The following WWOX variants were observed in gnomAD, a reference collection of about 807,000 sequenced individuals.
WWOX encodes the protein WW domain containing oxidoreductase.
WWOX carries 69 observed loss-of-function variants against 46.2 expected under a neutral mutation model. That is an observed-to-expected ratio of 1.49 (90% CI 1.23 to 1.82). The LOEUF (loss-of-function observed/expected upper bound fraction) is 1.82. Among genes scored for constraint, WWOX ranks in the 40% most tolerant of loss-of-function variants. WWOX has a pLI of 0.00. For missense variants in WWOX, 919 were observed against 542.6 expected, an observed-to-expected ratio of 1.69 and a Z score of -6.89; for synonymous variants, 359 against 202.6, an observed-to-expected ratio of 1.77 and a Z score of -6.56.
At chr16:78,725,817 G>A (rs1030674420) in intron 8 of WWOX, among the ~76,000 whole-genome samples, 21 of 152,058 alleles carry the variant, frequency 1.4e-4, no homozygotes, top group Admixed American at 1.3e-4. Flanking sequence ...CATTGCGGGC[G>A]GTGCTTGGTG....
chr16:78,934,337 C>CAAAATAAAAAAAAAAAA (rs2045689393), intron 8 of WWOX, among the ~76,000 whole-genome samples: 1 of 78,316 alleles, frequency 1.3e-5, no homozygotes, highest in African/African-American at 5.7e-5. Flanking sequence ...GTCTCCGTCT[C>CAAAATAAAAAAAAAAAA]AAAAAAAAAA....
Position 79,187,923 on chromosome 16 carries a change from A to G in WWOX, c.1057-23685A>G, listed in dbSNP as rs561501489. Among the ~76,000 whole-genome samples the G allele has an allele frequency of 4.6e-5, 7 of 152,340 alleles. 1 individual carries two copies. The highest frequency in any genetic ancestry group is 1.4e-4 in the African/African-American group (6 of 41,580). On this transcript the variant is annotated intron_variant, in intron 8 of 8. Transcript: ENST00000566780. ...GAGCTGTGAGTCCTTCCTGTGCACC[A>G]GGCATGGATGGCAAGGCACGATTGA...
intron 5 of WWOX, among the ~76,000 whole-genome samples, chr16:78,385,242 A>AG (rs2082038663): frequency 6.6e-6 from 1 of 151,986 alleles, no homozygotes; most frequent in South Asian, 2.1e-4. Flanking sequence ...TGTGGCCTTC[A>AG]GGGAGGATCT....
intron 5 of WWOX, among the ~76,000 whole-genome samples, chr16:78,310,655 A>G (rs993116383): frequency 6.6e-6 from 1 of 152,232 alleles, no homozygotes; most frequent in Non-Finnish European, 1.5e-5. Context: ...CACATTTGGC[A>G]TCTCTCTGGG....
chr16:78,481,653 T>G (rs2084489675), intron 8 of WWOX, among the ~76,000 whole-genome samples: 1 of 137,706 alleles, frequency 7.3e-6, no homozygotes, highest in Non-Finnish European at 1.6e-5. Context: ...AAAAGAATGT[T>G]TTCCCAACAA....
rs559941950 is a variant in WWOX at position 78,810,836 on chromosome 16, C to T, written c.1056+378084C>T. Among the ~76,000 whole-genome samples the T allele has an allele frequency of 9.2e-5, 14 of 152,230 alleles. No individual in the cohort carries two copies. The South Asian group carries it at 1.7e-3, about 18-fold the overall frequency. On this transcript the variant is annotated intron_variant, in intron 8 of 8. Transcript: ENST00000566780. Reference sequence around the variant, plus strand: ...ACTCCCTAAAAAAGACAAATGACAGCGCAAGATCCAAAAAGACAAGTGCTC... The same window carrying T: ...ACTCCCTAAAAAAGACAAATGACAGTGCAAGATCCAAAAAGACAAGTGCTC...
intron 8 of WWOX, among the ~76,000 whole-genome samples, chr16:79,159,282 C>T (rs1354175612): frequency 3.9e-5 from 6 of 152,280 alleles, no homozygotes; most frequent in South Asian, 4.1e-4. Context: ...CGCAGCTCAC[C>T]GTGTGATTTC....
intron 8 of WWOX, among the ~76,000 whole-genome samples, chr16:78,583,885 C>G (rs906001483): frequency 4.6e-5 from 7 of 152,188 alleles, no homozygotes; most frequent in African/African-American, 1.4e-4. Context: ...GTGTTGCATA[C>G]CTGTTTGGGG....
intron 8 of WWOX, among the ~76,000 whole-genome samples, chr16:78,816,732 G>T (rs1305062483): frequency 6.6e-6 from 1 of 151,946 alleles, no homozygotes; most frequent in Admixed American, 6.6e-5. Context: ...ATGAGCAATT[G>T]CTGTGAAGAA....
intron 5 of WWOX, among the ~76,000 whole-genome samples, chr16:78,232,724 G>A (rs1017793328): frequency 1.3e-5 from 2 of 152,120 alleles, no homozygotes; most frequent in African/African-American, 2.4e-5. Context: ...AGATCAAATG[G>A]GATCTGTAAA....
At chr16:78,646,189 T>A (rs932007103) in intron 8 of WWOX, among the ~76,000 whole-genome samples, 3 of 152,084 alleles carry the variant, frequency 2.0e-5, no homozygotes, top group African/African-American at 7.2e-5. Context: ...TGATTTTGAT[T>A]TGGTTGTTTT....
At chr16:78,639,323 C>G (rs903387079) in intron 8 of WWOX, among the ~76,000 whole-genome samples, 2 of 152,274 alleles carry the variant, frequency 1.3e-5, no homozygotes, top group Admixed American at 1.3e-4. Context: ...ACAAGGAGAC[C>G]GGCACCTGGG....
At chr16:78,667,018 C>A (rs1226312169) in intron 8 of WWOX, among the ~76,000 whole-genome samples, 6 of 152,092 alleles carry the variant, frequency 3.9e-5, no homozygotes, top group Non-Finnish European at 4.4e-5. Flanking sequence ...CTCTAAAACC[C>A]AACTGCTGGC....
chr16:79,158,806 A>G (rs2050431065), intron 8 of WWOX, among the ~76,000 whole-genome samples: 1 of 152,100 alleles, frequency 6.6e-6, no homozygotes, highest in African/African-American at 2.4e-5. Context: ...ACTCTCGTTT[A>G]TTTTGTTGTT....
chr16:78,591,230 C>T (rs775356245), intron 8 of WWOX, among the ~76,000 whole-genome samples: 3 of 152,178 alleles, frequency 2.0e-5, no homozygotes, highest in Admixed American at 6.5e-5. Flanking sequence ...AGCACCTTCT[C>T]TTCCTATATG....
chr16:78,586,202 G>A (rs2045203254), intron 8 of WWOX, among the ~76,000 whole-genome samples: 1 of 152,062 alleles, frequency 6.6e-6, no homozygotes, highest in Non-Finnish European at 1.5e-5. Flanking sequence ...TAAGAAAAAA[G>A]AAACATTTAA....
rs543924049 is a variant in WWOX, at chr16:78,329,915, C to T, written c.517-56945C>T. ...GCGTGTACCACCATGACCAGCTAAT[C>T]TTTTAGTTTTTGTAGAGACAAGTTC... On this transcript the variant is annotated intron_variant, in intron 5 of 8. Transcript: ENST00000566780. Among the ~76,000 whole-genome samples, 295 of 151,894 alleles carry T rather than the reference C, an allele frequency of 1.9e-3. 1 individual carries two copies. Among genetic ancestry groups the T allele is most frequent in the Middle Eastern group, 0.01 (3 of 294 alleles).
chr16:78,602,549 A>G (rs1450614204), intron 8 of WWOX, among the ~76,000 whole-genome samples: 3 of 152,100 alleles, frequency 2.0e-5, no homozygotes, highest in Non-Finnish European at 2.9e-5. Context: ...GATAGATCTT[A>G]TTTGGCTGAC....
intron 8 of WWOX, among the ~76,000 whole-genome samples, chr16:78,956,079 T>C (rs2046160815): frequency 1.3e-5 from 2 of 152,174 alleles, no homozygotes; most frequent in African/African-American, 2.4e-5. Context: ...AGTTCCCGTA[T>C]ACCTCCGGCA....
Sources: gnomAD v4.1 joint callset for allele counts (sites outside exome capture counted in the v4.1 genomes callset) on GRCh38, gnomAD v4.1.1 for gene constraint, MANE v1.5 for transcripts, NCBI Gene and HGNC (gene_info 2026-07-23, HGNC 2026-07-21) for gene names.